The following MAST1 variants were observed in gnomAD, a reference collection of about 807,000 sequenced individuals.
The protein encoded by MAST1 is microtubule-associated serine/threonine-protein kinase 1.
MAST1 carries 40 observed loss-of-function variants against 124.6 expected under a neutral mutation model. That is an observed-to-expected ratio of 0.32 (90% CI 0.25 to 0.42). The LOEUF (loss-of-function observed/expected upper bound fraction) is 0.42, where lower values mean the gene tolerates loss of function less well. MAST1 is among the 10% of genes least tolerant of loss of function. The pLI is 1.00. For missense variants in MAST1, 1,558 were observed against 2,181.9 expected (o/e 0.71, Z 5.70); for synonymous variants, 938 against 939.4 (o/e 1.00, Z 0.03).
intron 10 of MAST1, among the ~76,000 whole-genome samples, chr19:12,857,645 C>G (rs528163968): frequency 6.6e-6 from 1 of 152,068 alleles, no homozygotes; most frequent in African/African-American, 2.4e-5. Flanking sequence ...ATCTCCTGAC[C>G]GCATGATCCG....
chr19:12,871,336 C>T (rs1362725132), intron 24 of MAST1, among the ~76,000 whole-genome samples, 164 bp downstream of exon 24: 3 of 152,068 alleles, frequency 2.0e-5, no homozygotes, highest in Admixed American at 2.0e-4. Context: ...GGGCTGGGCG[C>T]GGTGGCTCAC....
chr19:12,874,468 C>G lies in MAST1; in HGVS notation c.4311C>G (p.Val1437=). 1 of 1,586,350 alleles carries G rather than the reference C, an allele frequency of 6.3e-7. No individual in the cohort carries two copies. The change falls in exon 26 of 26, where the codon GTC becomes GTG. Residue 1437 remains valine (V), a synonymous_variant. Coordinates refer to ENST00000251472, the MANE Select transcript of MAST1 (RefSeq NM_014975.3). This position sits in a 1 kb window ranked among gnomAD's most constrained non-coding sequence, Gnocchi z 6.6. ...GEAGTPLVPI[V]VEPARPGAKA... is the part of the protein sequence containing the mutation. ...CGGGCACACCCCTGGTACCCATTGT[C>G]GTAGAGCCTGCGCGGCCCGGGGCTA...
rs1005973658 is a variant in MAST1, at chr19:12,866,339, G to A, written c.2029+237G>A. 5.9e-5 allele frequency among the ~76,000 whole-genome samples: 9 copies of A among 152,070 alleles called. No homozygotes were observed. The highest frequency in any genetic ancestry group is 1.0e-4 in the Non-Finnish European group (7 of 67,980). On this transcript the variant is annotated intron_variant, in intron 17 of 25. Transcript: ENST00000251472. The surrounding 1 kb of genome is among the most constrained non-coding windows in gnomAD (Gnocchi z 5.2). ...GGGCTAGGTGTGGGGCCTGGCCTGG[G>A]TGAGTTGTGAGTGTGGGCCTGGAAC...
chr19:12,859,667 T>C (rs1247444722), intron 12 of MAST1, among the ~76,000 whole-genome samples: 2 of 151,740 alleles, frequency 1.3e-5, no homozygotes, highest in Non-Finnish European at 2.9e-5. Flanking sequence ...GATGGCACAC[T>C]CCTATAATCC....
chr19:12,862,062 T>G (rs962863587), intron 12 of MAST1, among the ~76,000 whole-genome samples: 2 of 144,584 alleles, frequency 1.4e-5, no homozygotes, highest in Non-Finnish European at 3.0e-5. Flanking sequence ...TAGAGTGCAA[T>G]GGGGTGATCT....
chr19:12,847,133 G>T lies in MAST1; in HGVS notation c.328-157G>T. The T allele has an allele frequency of 1.6e-6, 1 of 612,004 alleles. No homozygotes were observed. Among genetic ancestry groups the T allele is most frequent in the Non-Finnish European group, 2.9e-6 (1 of 344,152 alleles). The allele number at this position is 612,004 out of a possible 1,614,324, so 37.9% of individuals were successfully genotyped here. A position where few individuals can be genotyped will look rare whatever the true frequency, so the allele number is the denominator to read the frequency against. Reference sequence around the variant, plus strand: ...TCCCTGTCCACCTGTCTGTGGCCAAGAGTCCCAGCCAAGATCCTAGGATCC... The same window carrying T: ...TCCCTGTCCACCTGTCTGTGGCCAATAGTCCCAGCCAAGATCCTAGGATCC... On this transcript the variant is annotated intron_variant, in intron 4 of 25. Coordinates refer to ENST00000251472, the MANE Select transcript of MAST1 (RefSeq NM_014975.3). This position sits in a 1 kb window ranked among gnomAD's most constrained non-coding sequence, Gnocchi z 5.5.
At chr19:12,864,985 CG>C (rs1568413151) in intron 13 of MAST1, 38 bp downstream of exon 13, 2 of 1,613,746 alleles carry the variant, frequency 1.2e-6, no homozygotes, top group Admixed American at 3.3e-5. Flanking sequence ...CTCTGTCCCT[CG>C]GGAGGCCAGG....
rs1204217653 is a variant in MAST1 at position 12,858,679 on chromosome 19, G to A, written c.1306G>A (p.Gly436Ser). Reference sequence around the variant, plus strand: ...CTTCGCCGAGAACCCGTTTGTGGTCGGCATGTTCTGCTCCTTTGAGACTCG... The same window carrying A: ...CTTCGCCGAGAACCCGTTTGTGGTCAGCATGTTCTGCTCCTTTGAGACTCG... ...LTFAENPFVV[G>S]MFCSFETRRH... is the part of the protein sequence containing the mutation. Residue 436 changes from glycine (G) to serine (S), a missense_variant, in exon 12 of 26, where the codon GGC becomes AGC. Gly to Ser is a moderately conservative substitution (Grantham distance 56, BLOSUM62 0). This residue lies in a region of MAST1 where 145 missense variants were observed against 350.0 expected (regional missense o/e 0.41). Coordinates refer to ENST00000251472, the MANE Select transcript of MAST1 (RefSeq NM_014975.3). The A allele has an allele frequency of 1.9e-6, 3 of 1,614,120 alleles. No individual in the cohort carries two copies. Among genetic ancestry groups the A allele is most frequent in the Admixed American group, 1.7e-5 (1 of 60,010 alleles).
At position 12,869,063 on chromosome 19, in the gene MAST1, T is replaced by C. The variant is rs1970200267; in HGVS notation, c.2774-3T>C. 2 of 1,610,850 alleles carry C rather than the reference T, an allele frequency of 1.2e-6. No individual in the cohort carries two copies. Among genetic ancestry groups the C allele is most frequent in the Non-Finnish European group, 1.7e-6 (2 of 1,176,956 alleles). ...ATTTCTGACCATGGTTGTGTGTCTG[T>C]AGTGGACCCACATGGAAGTTCACCC... is the stretch of plus-strand genomic sequence containing the variant. On this transcript the variant is annotated splice_polypyrimidine_tract_variant and splice_region_variant and intron_variant, in intron 21 of 25. Coordinates refer to ENST00000251472, the MANE Select transcript of MAST1 (RefSeq NM_014975.3).
chr19:12,873,988 CAAG>C lies in MAST1; in HGVS notation c.3835_3837del (p.Lys1279del), dbSNP rs1568416594. 6.2e-7 allele frequency: 1 copy of C among 1,603,300 alleles called. No homozygotes were observed. Among genetic ancestry groups the C allele is most frequent in the East Asian group, 2.2e-5 (1 of 44,788 alleles). ...AGCTGGGAGCCTCTTTGAGTGCGGA[CAAG>C]AAGGGCGCGCTGCGCAAACACAGCC... On this transcript the variant is annotated inframe_deletion, in exon 26 of 26. Transcript: ENST00000251472.
intron 4 of MAST1, among the ~76,000 whole-genome samples, chr19:12,845,499 G>A (rs1969882270): frequency 6.7e-6 from 1 of 150,286 alleles, no homozygotes; most frequent in Non-Finnish European, 1.5e-5. Context: ...TGGAAAGATT[G>A]CTCGAGCCCA....
chr19:12,874,480 G>T lies in MAST1; in HGVS notation c.4323G>T (p.Ala1441=), dbSNP rs1422747447. The T allele has an allele frequency of 1.3e-6, 2 of 1,571,522 alleles. No individual in the cohort carries two copies. Among genetic ancestry groups the T allele is most frequent in the East Asian group, 2.3e-5 (1 of 44,248 alleles). The change falls in exon 26 of 26, where the codon GCG becomes GCT. Residue 1441 remains alanine, a synonymous_variant. Transcript: ENST00000251472. This position sits in a 1 kb window ranked among gnomAD's most constrained non-coding sequence, Gnocchi z 6.6. The part of the protein sequence containing the change: ...TPLVPIVVEP[A]RPGAKAVVPQ... Reference sequence around the variant, plus strand: ...TGGTACCCATTGTCGTAGAGCCTGCGCGGCCCGGGGCTAAGGCTGTGGTGC... The same window carrying T: ...TGGTACCCATTGTCGTAGAGCCTGCTCGGCCCGGGGCTAAGGCTGTGGTGC...
chr19:12,865,417 C>T lies in MAST1; in HGVS notation c.1740C>T (p.Phe580=). ...WWAMGIILYE[F]LVGCVPFFGD... ...CTATGGGGATCATCCTCTACGAGTT[C>T]CTGGTGGGCTGTGTGCCCTTCTTCG... The change falls in exon 15 of 26, where the codon TTC becomes TTT. Residue 580 remains phenylalanine (F), a synonymous_variant. Coordinates refer to ENST00000251472, the MANE Select transcript of MAST1 (RefSeq NM_014975.3). This position sits in a 1 kb window ranked among gnomAD's most constrained non-coding sequence, Gnocchi z 7.1. The T allele has an allele frequency of 6.2e-7, 1 of 1,611,422 alleles. No individual in the cohort carries two copies. Among genetic ancestry groups the T allele is most frequent in the Non-Finnish European group, 8.5e-7 (1 of 1,178,720 alleles).
chr19:12,862,926 CAA>C (rs1970102565), intron 12 of MAST1, among the ~76,000 whole-genome samples: 1 of 151,746 alleles, frequency 6.6e-6, no homozygotes, highest in Non-Finnish European at 1.5e-5. Flanking sequence ...CTCGGCTTCC[CAA>C]AGTGTTGGGA....
intron 18 of MAST1, 50 bp from the exon 19 acceptor site, chr19:12,867,424 G>A: frequency 6.2e-7 from 1 of 1,605,046 alleles, no homozygotes; most frequent in South Asian, 1.1e-5. Context: ...GATTAGCTCC[G>A]GAGTGAAAGT....
chr19:12,861,605 G>C (rs558696325), intron 12 of MAST1, among the ~76,000 whole-genome samples: 3 of 152,206 alleles, frequency 2.0e-5, no homozygotes, highest in Non-Finnish European at 4.4e-5. Context: ...CCAGAGACTG[G>C]AATGGCATTG....
At chr19:12,857,070 T>C (rs1970025121) in intron 10 of MAST1, among the ~76,000 whole-genome samples, 1 of 152,144 alleles carries the variant, frequency 6.6e-6, no homozygotes, top group African/African-American at 2.4e-5. Context: ...CTTTCTGTTA[T>C]TGTAAGTGAG....
intron 22 of MAST1, among the ~76,000 whole-genome samples, chr19:12,870,493 A>T (rs1415042296): frequency 3.5e-5 from 2 of 57,812 alleles, no homozygotes; most frequent in East Asian, 2.4e-3. Context: ...ACTCCGTCTC[A>T]AAAAAAAAAA....
In MAST1 at chr19:12,874,835, AAAG is replaced by A; in HGVS notation, c.4679_4681del (p.Lys1560_Gly1561delinsArg). On this transcript the variant is annotated inframe_deletion, in exon 26 of 26. Coordinates refer to ENST00000251472, the MANE Select transcript of MAST1 (RefSeq NM_014975.3). This position sits in a 1 kb window ranked among gnomAD's most constrained non-coding sequence, Gnocchi z 6.6. ...TGTGCCCCCAGCAGGCCTGACCAAA[AAAG>A]GAGTGTCCAGTCCCGCACCCCCGGG... 7 of 1,599,406 alleles carry A rather than the reference AAAG, an allele frequency of 4.4e-6. No individual in the cohort carries two copies. The South Asian group carries it at 7.8e-5, about 18-fold the overall frequency.
Sources: gnomAD v4.1 joint callset for allele counts (sites outside exome capture counted in the v4.1 genomes callset) on GRCh38, gnomAD v4.1.1 for gene constraint, gnomAD v4.1.1 regional missense constraint, Gnocchi (gnomAD v3.1) non-coding constraint, MANE v1.5 for transcripts, NCBI Gene and HGNC (gene_info 2026-07-23, HGNC 2026-07-21) for gene names.